Variants in TMTC2 observed in about 807,000 individuals in gnomAD.
The protein encoded by TMTC2 is protein O-mannosyl-transferase TMTC2.
In TMTC2, 43 loss-of-function variants were observed where a neutral mutation model predicts 82.4. That is an observed-to-expected ratio of 0.52 (90% CI 0.41 to 0.67). The LOEUF (loss-of-function observed/expected upper bound fraction) is 0.67, where lower values mean the gene tolerates loss of function less well. TMTC2 is among the 30% of genes least tolerant of loss of function. The pLI is 0.00. For missense variants in TMTC2, 919 were observed against 1,012.4 expected (o/e 0.91, Z 1.25); for synonymous variants, 408 against 381.9 (o/e 1.07, Z -0.80).
At chr12:82,992,351 A>G (rs1326240894) in intron 8 of TMTC2, among the ~76,000 whole-genome samples, 4 of 152,084 alleles carry the variant, frequency 2.6e-5, no homozygotes, top group African/African-American at 7.2e-5. Flanking sequence ...TTGTTTGTTT[A>G]TTTATTATAA....
intron 11 of TMTC2, among the ~76,000 whole-genome samples, chr12:83,078,218 G>A (rs1278184517): frequency 6.6e-6 from 1 of 152,098 alleles, no homozygotes; most frequent in East Asian, 1.9e-4. Context: ...AACTAGCCAG[G>A]CTGATGACAA....
chr12:82,951,436 A>G (rs1005718414), intron 4 of TMTC2, among the ~76,000 whole-genome samples: 1 of 152,116 alleles, frequency 6.6e-6, no homozygotes, highest in Non-Finnish European at 1.5e-5. Flanking sequence ...GACTACAGGC[A>G]CATGCCGCCA....
chr12:83,100,185 G>T (rs1209504872), intron 11 of TMTC2, among the ~76,000 whole-genome samples: 2 of 152,036 alleles, frequency 1.3e-5, no homozygotes, highest in Non-Finnish European at 2.9e-5. Context: ...TTCCCTAAGT[G>T]CTGGGATTAT....
At chr12:82,736,727 A>G (rs901649447) in intron 1 of TMTC2, among the ~76,000 whole-genome samples, 2 of 152,232 alleles carry the variant, frequency 1.3e-5, no homozygotes, top group Admixed American at 6.5e-5. Flanking sequence ...TCTGAGAAGT[A>G]CAAACCAAGA....
intron 3 of TMTC2, among the ~76,000 whole-genome samples, chr12:82,902,668 C>A (rs1374748711): frequency 6.6e-6 from 1 of 152,140 alleles, no homozygotes; most frequent in Non-Finnish European, 1.5e-5. Flanking sequence ...CCCAATTATT[C>A]TCTGGCTGCC....
intron 1 of TMTC2, among the ~76,000 whole-genome samples, chr12:82,738,914 A>G (rs1182824653): frequency 6.6e-6 from 1 of 152,050 alleles, no homozygotes; most frequent in Non-Finnish European, 1.5e-5. Context: ...TTGGGAGGCC[A>G]AGGTAGGTGG....
chr12:82,936,065 A>G (rs1020302204), intron 4 of TMTC2, among the ~76,000 whole-genome samples: 1 of 152,080 alleles, frequency 6.6e-6, no homozygotes, highest in Non-Finnish European at 1.5e-5. Flanking sequence ...AAAAGTTATA[A>G]CTGGATATAT....
rs536086318 is a variant in TMTC2, at chr12:82,773,524, G to T, written c.84-83486G>T. Among the ~76,000 whole-genome samples the T allele has an allele frequency of 2.0e-5, 3 of 150,826 alleles. No homozygotes were observed. The South Asian group carries it at 6.3e-4, about 32-fold the overall frequency. On this transcript the variant is annotated intron_variant, in intron 1 of 11. Transcript: ENST00000321196. ...CACCCAGGCTGGAGTGCAATGGTGCGATCTCGGCTCACTGCAGCCTCTGCC... is the reference window on the plus strand; with the variant it reads ...CACCCAGGCTGGAGTGCAATGGTGCTATCTCGGCTCACTGCAGCCTCTGCC...
At chr12:82,751,589 A>G (rs1026014873) in intron 1 of TMTC2, among the ~76,000 whole-genome samples, 4 of 152,108 alleles carry the variant, frequency 2.6e-5, no homozygotes, top group African/African-American at 7.2e-5. Context: ...GGAAACTTCA[A>G]ATTTTTGAAA....
intron 8 of TMTC2, among the ~76,000 whole-genome samples, chr12:83,001,080 G>A (rs1879899087): frequency 6.6e-6 from 1 of 152,108 alleles, no homozygotes; most frequent in East Asian, 1.9e-4. Context: ...CTCCGGGCCT[G>A]TGACGGGAGG....
intron 1 of TMTC2, among the ~76,000 whole-genome samples, chr12:82,719,043 A>G (rs1465708938): frequency 1.5e-5 from 2 of 136,588 alleles, no homozygotes; most frequent in Non-Finnish European, 3.1e-5. Flanking sequence ...ATACAATTCT[A>G]CAGCTTTAGA....
At chr12:83,012,018 A>T (rs1248996986) in intron 8 of TMTC2, among the ~76,000 whole-genome samples, 2 of 152,170 alleles carry the variant, frequency 1.3e-5, no homozygotes, top group Non-Finnish European at 2.9e-5. Context: ...TCAGGCCGTA[A>T]CACTCACTGA....
chr12:83,032,734 T>C (rs1447248348), intron 9 of TMTC2, among the ~76,000 whole-genome samples: 1 of 151,676 alleles, frequency 6.6e-6, no homozygotes. Flanking sequence ...TATTTTTTTT[T>C]ATTTTTAGTA....
intron 8 of TMTC2, among the ~76,000 whole-genome samples, chr12:82,987,117 A>C (rs1879183165): frequency 6.6e-6 from 1 of 152,198 alleles, no homozygotes; most frequent in South Asian, 2.1e-4. Context: ...GATAACACTT[A>C]TAATTGTCAA....
intron 1 of TMTC2, among the ~76,000 whole-genome samples, chr12:82,699,956 G>A (rs1054106330): frequency 6.6e-5 from 10 of 152,022 alleles, no homozygotes; most frequent in Non-Finnish European, 1.3e-4. Context: ...CTAAATATAG[G>A]ATGACTATAT....
chr12:82,726,663 A>G (rs1014607237), intron 1 of TMTC2, among the ~76,000 whole-genome samples: 2 of 152,026 alleles, frequency 1.3e-5, no homozygotes, highest in Non-Finnish European at 2.9e-5. Context: ...GGCAGATCAC[A>G]AGGTCAAGAG....
At chr12:83,006,548 C>A (rs1880213256) in intron 8 of TMTC2, among the ~76,000 whole-genome samples, 1 of 152,168 alleles carries the variant, frequency 6.6e-6, no homozygotes, top group Non-Finnish European at 1.5e-5. Flanking sequence ...TGTGGCGATT[C>A]CTCAAGGATC....
chr12:82,741,887 G>A (rs1875426830), intron 1 of TMTC2, among the ~76,000 whole-genome samples: 1 of 152,114 alleles, frequency 6.6e-6, no homozygotes, highest in African/African-American at 2.4e-5. Flanking sequence ...CCTGTGGCTG[G>A]TATTACTGGT....
At chr12:82,797,179 G>C (rs934155538) in intron 1 of TMTC2, among the ~76,000 whole-genome samples, 1 of 152,120 alleles carries the variant, frequency 6.6e-6, no homozygotes, top group South Asian at 2.1e-4. Flanking sequence ...CATAATGGGT[G>C]TTCCACAAGT....
Sources: gnomAD v4.1 joint callset for allele counts (sites outside exome capture counted in the v4.1 genomes callset) on GRCh38, gnomAD v4.1.1 for gene constraint, MANE v1.5 for transcripts, NCBI Gene and HGNC (gene_info 2026-07-23, HGNC 2026-07-21) for gene names.